The following TENM4 variants were observed in gnomAD, a reference collection of about 807,000 sequenced individuals.
TENM4 encodes teneurin transmembrane protein 4.
In TENM4, 82 loss-of-function variants were observed where a neutral mutation model predicts 243.3. That is an observed-to-expected ratio of 0.34 (90% confidence interval 0.28 to 0.40). The LOEUF (loss-of-function observed/expected upper bound fraction) is 0.40, where lower values mean the gene tolerates loss of function less well. Among genes scored for constraint, TENM4 ranks in the 10% least tolerant of loss-of-function variants. TENM4 has a pLI of 1.00. For synonymous variants in TENM4, 1,412 were observed against 1,456.3 expected, an observed-to-expected ratio of 0.97 and a Z score of 0.69; for missense variants, 3,138 against 3,673.3, an observed-to-expected ratio of 0.85 and a Z score of 3.77.
At chr11:78,960,584 C>T (rs1339199578) in intron 6 of TENM4, among the ~76,000 whole-genome samples, 1 of 152,152 alleles carries the variant, frequency 6.6e-6, no homozygotes, top group Middle Eastern at 3.2e-3. Context: ...ACCTCAAGTT[C>T]TTTGTCCATG....
chr11:78,945,174 C>T (rs1250899902), intron 6 of TENM4, among the ~76,000 whole-genome samples: 1 of 152,190 alleles, frequency 6.6e-6, no homozygotes, highest in Non-Finnish European at 1.5e-5. Context: ...CATATTTTTA[C>T]AAATTGAAGG....
chr11:78,989,209 A>G (rs530305895), intron 6 of TENM4, among the ~76,000 whole-genome samples: 16 of 152,348 alleles, frequency 1.1e-4, no homozygotes, highest in African/African-American at 3.8e-4. Context: ...CTTACACGTT[A>G]TTATTATTAT....
intron 6 of TENM4, among the ~76,000 whole-genome samples, chr11:78,923,748 C>T (rs185952093): frequency 3.8e-4 from 48 of 126,518 alleles, no homozygotes; most frequent in African/African-American, 1.3e-3. Context: ...CCATGTTGGC[C>T]AGGCTGGTCT....
intron 16 of TENM4, among the ~76,000 whole-genome samples, chr11:78,781,896 T>C (rs1375209391): frequency 6.6e-6 from 1 of 152,186 alleles, no homozygotes; most frequent in Non-Finnish European, 1.5e-5. Flanking sequence ...CAAAGCCAGA[T>C]TCCCACCCCA....
At chr11:79,109,563 C>T (rs1057309394) in intron 4 of TENM4, among the ~76,000 whole-genome samples, 5 of 152,092 alleles carry the variant, frequency 3.3e-5, no homozygotes, top group Non-Finnish European at 5.9e-5. Context: ...GCAGGCAGGC[C>T]GAGGTTCAAA....
At chr11:78,939,305 T>A (rs1159355390) in intron 6 of TENM4, among the ~76,000 whole-genome samples, 1 of 152,218 alleles carries the variant, frequency 6.6e-6, no homozygotes, top group Non-Finnish European at 1.5e-5. Flanking sequence ...TCAGAGCTCC[T>A]TGATGGCTCA....
rs73504615 is a variant in TENM4 at position 79,016,372 on chromosome 11, G to A, written c.493+48366C>T. 8.0e-3 allele frequency among the ~76,000 whole-genome samples: 1,223 copies of A among 152,232 alleles called. 12 individuals are homozygous for A. The highest frequency in any genetic ancestry group is 0.028 in the African/African-American group (1,163 of 41,528). ...TAGACACAGAAGATGAAGAAAAGGC[G>A]AGAATCAAAGATGACACTAGTTTCT... is the stretch of plus-strand genomic sequence containing the variant. On this transcript the variant is annotated intron_variant, in intron 6 of 33. Transcript: ENST00000278550.
intron 8 of TENM4, among the ~76,000 whole-genome samples, chr11:78,890,536 G>A (rs887921640): frequency 3.3e-5 from 5 of 152,096 alleles, no homozygotes; most frequent in Non-Finnish European, 5.9e-5. Flanking sequence ...GGTTTTATTG[G>A]TGTTGAAGCC....
At chr11:78,693,625 C>A (rs1238212256) in intron 28 of TENM4, among the ~76,000 whole-genome samples, 1 of 152,172 alleles carries the variant, frequency 6.6e-6, no homozygotes, top group African/African-American at 2.4e-5. Context: ...ATAGGGATGA[C>A]CAGATGACTG....
intron 3 of TENM4, among the ~76,000 whole-genome samples, chr11:79,152,202 T>A (rs1862524917): frequency 6.6e-6 from 1 of 152,158 alleles, no homozygotes; most frequent in Non-Finnish European, 1.5e-5. Context: ...AATATGTTGG[T>A]GTGGTGGCTT....
intron 1 of TENM4, among the ~76,000 whole-genome samples, chr11:79,320,991 G>A (rs1856879010): frequency 1.3e-5 from 2 of 152,232 alleles, no homozygotes; most frequent in Admixed American, 1.3e-4. Context: ...CTGATTCACA[G>A]CTGAGGAAAC....
intron 6 of TENM4, among the ~76,000 whole-genome samples, chr11:78,943,944 C>T (rs1049031994): frequency 6.6e-6 from 1 of 152,226 alleles, no homozygotes; most frequent in African/African-American, 2.4e-5. Context: ...AACGTGCCTG[C>T]CTCACTGCAG....
chr11:78,812,095 G>T (rs1270232236), intron 14 of TENM4, 27 bp downstream of exon 14: 2 of 1,543,200 alleles, frequency 1.3e-6, no homozygotes, highest in South Asian at 2.4e-5. Context: ...AGAGGAAGGT[G>T]CCGGAGCTGC....
chr11:79,217,523 G>T (rs187038812), intron 2 of TENM4, among the ~76,000 whole-genome samples: 1 of 152,058 alleles, frequency 6.6e-6, no homozygotes, highest in Non-Finnish European at 1.5e-5. Flanking sequence ...AGGAATTGCT[G>T]GGAATTCCCA....
intron 1 of TENM4, among the ~76,000 whole-genome samples, chr11:79,315,602 A>G (rs540042843): frequency 6.6e-6 from 1 of 152,346 alleles, no homozygotes; most frequent in African/African-American, 2.4e-5. Flanking sequence ...TCAGGATCCC[A>G]TGGGAGCTTG....
intron 6 of TENM4, among the ~76,000 whole-genome samples, chr11:78,917,991 T>C (rs938238932): frequency 6.6e-6 from 1 of 152,238 alleles, no homozygotes; most frequent in African/African-American, 2.4e-5. Flanking sequence ...ATGTTAGCTA[T>C]TGTTATCTCT....
chr11:78,994,647 G>A (rs1858128023), intron 6 of TENM4, among the ~76,000 whole-genome samples: 1 of 152,188 alleles, frequency 6.6e-6, no homozygotes, highest in Non-Finnish European at 1.5e-5. Flanking sequence ...TCCAATTCCA[G>A]TTATTCTATT....
chr11:78,669,506 G>C lies in TENM4; in HGVS notation c.6839C>G (p.Ala2280Gly). The part of the protein sequence containing the change: ...EYNSAGLLIK[A>G]YNRAGSWSVR... ...ACTCCAGCTGCCAGCCCGGTTGTAG[G>C]CCTTGATGAGCAGGCCAGCTGAGTT... is the stretch of plus-strand genomic sequence containing the variant. Residue 2280 changes from alanine to glycine, a missense_variant, in exon 32 of 34, where the codon GCC becomes GGC. Physicochemically the swap from Ala to Gly is moderately conservative, Grantham distance 60 (BLOSUM62 0). Coordinates refer to ENST00000278550, the MANE Select transcript of TENM4 (RefSeq NM_001098816.3). This position sits in a 1 kb window ranked among gnomAD's most constrained non-coding sequence, Gnocchi z 6.4. 1 of 1,613,930 alleles carries C rather than the reference G, an allele frequency of 6.2e-7. No individual in the cohort carries two copies. Among genetic ancestry groups the C allele is most frequent in the Non-Finnish European group, 8.5e-7 (1 of 1,179,894 alleles).
chr11:78,879,459 GGCC>G (rs1859368157), intron 9 of TENM4, among the ~76,000 whole-genome samples: 1 of 119,710 alleles, frequency 8.4e-6, no homozygotes, highest in Non-Finnish European at 1.8e-5. Context: ...GCCTCTGCCC[GGCC>G]GCCACACCGT....
Sources: gnomAD v4.1 joint callset for allele counts (sites outside exome capture counted in the v4.1 genomes callset) on GRCh38, gnomAD v4.1.1 for gene constraint, Gnocchi (gnomAD v3.1) non-coding constraint, MANE v1.5 for transcripts, NCBI Gene and HGNC (gene_info 2026-07-23, HGNC 2026-07-21) for gene names.